SLC6A16: variants seen among roughly 807,000 people sequenced by gnomAD.
SLC6A16 encodes the protein orphan sodium- and chloride-dependent neurotransmitter transporter NTT5.
In SLC6A16, 54 loss-of-function variants were observed where a neutral mutation model predicts 65.4. The observed-to-expected ratio is 0.83, with a 90% CI of 0.66 to 1.04. SLC6A16 has a LOEUF of 1.04. Ranked by LOEUF, SLC6A16 falls within the 50% of genes least tolerant of loss-of-function variation. The pLI is 0.00. For synonymous variants in SLC6A16, 330 were observed against 346.5 expected (o/e 0.95, Z 0.53); for missense variants, 816 against 914.0 (o/e 0.89, Z 1.38).
chr19:49,338,555 T>C, the SLC6A16 span: 3 of 661,610 alleles, frequency 4.5e-6, no homozygotes, highest in Admixed American at 2.3e-5. The surrounding 1 kb of genome is among the most constrained non-coding windows in gnomAD (Gnocchi z 5.0). Context: ...GGCCCCATCG[T>C]GACCCCAGCC....
rs774077498 is a variant in SLC6A16 at position 49,311,306 on chromosome 19, G to GT, written c.41dup (p.Asn14LysfsTer11). On this transcript the variant is annotated frameshift_variant, in exon 2 of 12. Transcript: ENST00000335875. LOFTEE classifies it high-confidence loss of function. The stretch of plus-strand genomic sequence containing the variant: ...AAATCACTGTGCCAGTCCATGAGGT[G>GT]TTTGCCAGCAAGGATGTCGAAGGCT... 6 of 1,604,836 alleles carry GT rather than the reference G, an allele frequency of 3.7e-6. No homozygotes were observed. The South Asian group carries it at 6.7e-5, about 18-fold the overall frequency.
In SLC6A16 at chr19:49,309,142, G is replaced by A. The variant is rs1258727210; in HGVS notation, c.988-25C>T. On this transcript the variant is annotated intron_variant, in intron 6 of 11. Transcript: ENST00000335875. ...TCTAAAAGAGAGAAGACAAGCATAA[G>A]GGGGTTGTAAAAGAAGAAGCAGAGG... The A allele has an allele frequency of 3.1e-6, 5 of 1,611,380 alleles. No individual in the cohort carries two copies. In the East Asian group the frequency reaches 8.9e-5, roughly 29 times the overall value.
At chr19:49,303,426 A>T (rs1970324611) in intron 7 of SLC6A16, among the ~76,000 whole-genome samples, 1 of 152,132 alleles carries the variant, frequency 6.6e-6, no homozygotes, top group Admixed American at 6.5e-5. Context: ...AGGCAGGCGG[A>T]TCATGAGGCC....
At chr19:49,339,028 G>A in the SLC6A16 span, 1 of 1,062,914 alleles carries the variant, frequency 9.4e-7, no homozygotes, top group South Asian at 1.4e-5. This position sits in a 1 kb window ranked among gnomAD's most constrained non-coding sequence, Gnocchi z 4.5. Flanking sequence ...GAGAAAGGGC[G>A]GGGTCTACGA....
In SLC6A16 at chr19:49,289,770, G is replaced by T. The variant is rs1970038688; in HGVS notation, c.*353C>A. 4.0e-6 allele frequency: 1 copy of T among 250,818 alleles called. No individual in the cohort carries two copies. Among genetic ancestry groups the T allele is most frequent in the Non-Finnish European group, 7.6e-6 (1 of 131,518 alleles). 15.5% of individuals were successfully genotyped at this position (250,818 alleles called of 1,614,324 possible). A position where few individuals can be genotyped will look rare whatever the true frequency, so the allele number is the denominator to read the frequency against. On this transcript the variant is annotated 3_prime_UTR_variant, in exon 12 of 12. Transcript: ENST00000335875. ...GATCTGCTTACATCCAGTCCTTGGAGTTCCAGTAGACTGATTTATTCACCA... is the reference window on the plus strand; with the variant it reads ...GATCTGCTTACATCCAGTCCTTGGATTTCCAGTAGACTGATTTATTCACCA...
Position 49,294,462 on chromosome 19 carries a change from T to A in SLC6A16, c.1321A>T (p.Ile441Phe). 1 of 1,614,048 alleles carries A rather than the reference T, an allele frequency of 6.2e-7. No homozygotes were observed. Among genetic ancestry groups the A allele is most frequent in the Middle Eastern group, 1.7e-4 (1 of 6,060 alleles). The change falls in exon 8 of 12, where the codon ATC becomes TTC. Residue 441 changes from isoleucine to phenylalanine, a missense_variant. Coordinates refer to ENST00000335875, the MANE Select transcript of SLC6A16 (RefSeq NM_014037.3). ...AGGCCACTGAGCCAGGCATTGTAGA[T>A]GGAGGTTGGGTTGTAAAGCAGGTTG... ...PVNLLYNPTS[I>F]YNAWLSGLPQ...
chr19:49,319,416 T>C (rs1488037288), intron 1 of SLC6A16, among the ~76,000 whole-genome samples: 1 of 148,280 alleles, frequency 6.7e-6, no homozygotes, highest in East Asian at 2.0e-4. Context: ...TGTGTGTATA[T>C]ATATATATTT....
At chr19:49,337,315 G>A in the SLC6A16 span, 1 of 1,212,384 alleles carries the variant, frequency 8.2e-7, no homozygotes, top group Non-Finnish European at 1.2e-6. Context: ...AACAAGGGCA[G>A]ACAGGGGCTA....
chr19:49,310,115 A>G lies in SLC6A16; in HGVS notation c.625T>C (p.Phe209Leu), dbSNP rs573107444. 1.2e-6 allele frequency: 2 copies of G among 1,614,124 alleles called. No homozygotes were observed. Among genetic ancestry groups the G allele is most frequent in the South Asian group, 1.1e-5 (1 of 91,088 alleles). The stretch of plus-strand genomic sequence containing the variant: ...AACTGGAAGGACTGGCTCATGTAGA[A>G]GATGATCCAGGAATTGACCACATTG... ...YFNVVNSWII[F>L]YMSQSFQFPV... is the part of the protein sequence containing the mutation. Residue 209 changes from phenylalanine to leucine, a missense_variant, in exon 4 of 12, where the codon TTC becomes CTC. Coordinates refer to ENST00000335875, the MANE Select transcript of SLC6A16 (RefSeq NM_014037.3).
At chr19:49,332,049 C>T in the SLC6A16 span, 1 of 454,268 alleles carries the variant, frequency 2.2e-6, no homozygotes, top group Non-Finnish European at 4.4e-6. Context: ...GAAATGTATT[C>T]TCACATGGTT....
chr19:49,326,213 G>A (rs952204713), upstream of SLC6A16, among the ~76,000 whole-genome samples: 1 of 151,724 alleles, frequency 6.6e-6, no homozygotes. Flanking sequence ...GGAGAAGAAT[G>A]GCATCATTTT....
At chr19:49,327,082 T>G (rs1158432292), upstream of SLC6A16, among the ~76,000 whole-genome samples, 2 of 151,610 alleles carry the variant, frequency 1.3e-5, no homozygotes, top group Non-Finnish European at 2.9e-5. Context: ...CTATCGAATT[T>G]TTTTTTTTTT....
intron 2 of SLC6A16, 119 bp downstream of exon 2, chr19:49,310,814 G>A: frequency 1.2e-6 from 1 of 853,004 alleles, no homozygotes; most frequent in Non-Finnish European, 1.9e-6. Context: ...CTCCTATCCT[G>A]CTCAGAGCAC....
intron 1 of SLC6A16, among the ~76,000 whole-genome samples, chr19:49,318,402 G>T (rs1970650695): frequency 6.6e-6 from 1 of 151,920 alleles, no homozygotes; most frequent in African/African-American, 2.4e-5. Context: ...AGCCAAAACT[G>T]ATCTTCAAGT....
At position 49,293,936 on chromosome 19, in the gene SLC6A16, CA is replaced by C. The variant is rs1970131630; in HGVS notation, c.1508del (p.Leu503ArgfsTer8). 3 of 1,613,968 alleles carry C rather than the reference CA, an allele frequency of 1.9e-6. No individual in the cohort carries two copies. Among genetic ancestry groups the C allele is most frequent in the Non-Finnish European group, 2.5e-6 (3 of 1,180,016 alleles). On this transcript the variant is annotated frameshift_variant, in exon 9 of 12. Coordinates refer to ENST00000335875, the MANE Select transcript of SLC6A16 (RefSeq NM_014037.3). LOFTEE classifies it high-confidence loss of function. ...PSVFWSFIFFLMLLAMGLSSA... is the reference protein window; with the variant it reads ...PSVFWSFIFFXMLLAMGLSSA... ...TGCTCAGCCCCATGGCCAGCAACAT[CA>C]GGAAGAAGATAAAAGACCAGAAGAC...
intron 1 of SLC6A16, among the ~76,000 whole-genome samples, chr19:49,312,108 C>T (rs932387029): frequency 1.3e-5 from 2 of 151,988 alleles, no homozygotes; most frequent in African/African-American, 4.8e-5. Context: ...CCGCCCACCT[C>T]AGCCTCCCAA....
intron 1 of SLC6A16, among the ~76,000 whole-genome samples, chr19:49,324,164 T>C (rs1301679229): frequency 1.3e-5 from 2 of 152,064 alleles, no homozygotes; most frequent in African/African-American, 2.4e-5. Flanking sequence ...ACCCCGTTTC[T>C]ACTAAAAATA....
At chr19:49,337,109 A>C in the SLC6A16 span, 1 of 1,614,008 alleles carries the variant, frequency 6.2e-7, no homozygotes, top group Non-Finnish European at 8.5e-7. Context: ...CCGGGGTTGC[A>C]GGGGTGGTCA....
rs1167644084 is a variant in SLC6A16, at chr19:49,293,337, C to T, written c.1664G>A (p.Arg555Gln). 3 of 1,613,916 alleles carry T rather than the reference C, an allele frequency of 1.9e-6. No individual in the cohort carries two copies. Among genetic ancestry groups the T allele is most frequent in the East Asian group, 2.2e-5 (1 of 44,890 alleles). Residue 555 changes from arginine to glutamine, a missense_variant, in exon 10 of 12, where the codon CGA becomes CAA. By Grantham distance (43) the Arg-to-Gln change is conservative. Coordinates refer to ENST00000335875, the MANE Select transcript of SLC6A16 (RefSeq NM_014037.3). ...LMFVCGLFFT[R>Q]PSGSYFIRLL... ...TCTGATGAAGTAGCTGCCTGAAGGT[C>T]GAGTGAAGAAGAGGCCGCACACGAA... is the stretch of plus-strand genomic sequence containing the variant.
Sources: allele counts gnomAD v4.1 joint callset (sites outside exome capture counted in the v4.1 genomes callset), GRCh38; gene constraint gnomAD v4.1.1; non-coding constraint Gnocchi (gnomAD v3.1); transcripts MANE v1.5; gene names NCBI Gene and HGNC (gene_info 2026-07-23, HGNC 2026-07-21).